FBN1: variants seen among roughly 807,000 people sequenced by gnomAD.
FBN1 encodes fibrillin-1.
A neutral mutation model predicts 365.1 loss-of-function variants in FBN1; 29 were observed. That is an observed-to-expected ratio of 0.08 (90% CI 0.06 to 0.11). The LOEUF (loss-of-function observed/expected upper bound fraction) is 0.11, where lower values mean the gene tolerates loss of function less well. FBN1 is among the 10% of genes least tolerant of loss of function. The pLI, the probability that FBN1 is intolerant of heterozygous loss-of-function variation, is 1.00. For synonymous variants in FBN1, 1,210 were observed against 1,270.5 expected (o/e 0.95, Z 1.01); for missense variants, 2,476 against 3,703.2 (o/e 0.67, Z 8.60).
At chr15:48,591,041 T>A (rs960619838) in intron 6 of FBN1, among the ~76,000 whole-genome samples, 1 of 152,172 alleles carries the variant, frequency 6.6e-6, no homozygotes, top group East Asian at 1.9e-4. Context: ...GATGGAGAAA[T>A]GAGAGAAAAC....
rs1331154469 is a variant in FBN1, at chr15:48,420,746, C to T, written c.7760G>A (p.Gly2587Asp). The T allele has an allele frequency of 2.5e-6, 4 of 1,614,034 alleles. No individual in the cohort carries two copies. The highest frequency in any genetic ancestry group is 1.7e-6 in the Non-Finnish European group (2 of 1,179,958). Residue 2587 changes from glycine to aspartate, a missense_variant, in exon 63 of 66, where the codon GGC becomes GAC. Physicochemically the swap from Gly to Asp is moderately conservative, Grantham distance 94. Coordinates refer to ENST00000316623, the MANE Select transcript of FBN1 (RefSeq NM_000138.5). ...GCCCTGGGGGCAGCTGCACCTGTAG[C>T]CCCCAATGATGTTCTGGCAGCCATG... ...CQHGCQNIIGGYRCSCPQGYL... is the reference protein window; with the variant it reads ...CQHGCQNIIGDYRCSCPQGYL...
At chr15:48,484,633 A>T (rs2046168349) in intron 30 of FBN1, among the ~76,000 whole-genome samples, 1 of 152,180 alleles carries the variant, frequency 6.6e-6, no homozygotes, top group African/African-American at 2.4e-5. Flanking sequence ...AGCCTCCCAC[A>T]GTGCTGGGAT....
At chr15:48,445,321 C>G (rs1277891782) in intron 48 of FBN1, 55 bp downstream of exon 48, 8 of 1,594,388 alleles carry the variant, frequency 5.0e-6, no homozygotes, top group Non-Finnish European at 6.0e-6. Flanking sequence ...CTGCATGATT[C>G]CTTGAGTGGT....
chr15:48,437,416 GA>G, intron 51 of FBN1, 29 bp from the exon 52 acceptor site: 6 of 1,553,674 alleles, frequency 3.9e-6, no homozygotes, highest in Non-Finnish European at 5.3e-6. Flanking sequence ...TTAATAGATA[GA>G]ACAATAGCAA....
chr15:48,636,069 A>C (rs1890085420), intron 2 of FBN1, among the ~76,000 whole-genome samples: 1 of 152,188 alleles, frequency 6.6e-6, no homozygotes, highest in Non-Finnish European at 1.5e-5. Context: ...CTCCCCTCCC[A>C]GCAGACACAT....
intron 4 of FBN1, among the ~76,000 whole-genome samples, chr15:48,603,094 ATTC>A (rs1430877754): frequency 6.6e-6 from 1 of 152,240 alleles, no homozygotes; most frequent in Non-Finnish European, 1.5e-5. Flanking sequence ...ATCAGAATGA[ATTC>A]TTCTTTCTGG....
intron 17 of FBN1, among the ~76,000 whole-genome samples, chr15:48,500,509 T>C (rs1201091578): frequency 6.6e-6 from 1 of 152,194 alleles, no homozygotes; most frequent in Non-Finnish European, 1.5e-5. Flanking sequence ...CTGGTGGCTG[T>C]ACAGAATTAA....
At chr15:48,558,224 G>A (rs934042708) in intron 6 of FBN1, among the ~76,000 whole-genome samples, 2 of 152,042 alleles carry the variant, frequency 1.3e-5, no homozygotes, top group African/African-American at 4.8e-5. Flanking sequence ...TCCTATCCCA[G>A]AATATCTTCT....
At chr15:48,571,284 G>A (rs1315738135) in intron 6 of FBN1, among the ~76,000 whole-genome samples, 1 of 152,064 alleles carries the variant, frequency 6.6e-6, no homozygotes, top group Non-Finnish European at 1.5e-5. Flanking sequence ...AGGTATAGCA[G>A]AACAATGGCA....
chr15:48,432,849 T>C lies in FBN1; in HGVS notation c.6739+17A>G. The C allele has an allele frequency of 6.2e-7, 1 of 1,613,398 alleles. No homozygotes were observed. Among genetic ancestry groups the C allele is most frequent in the African/African-American group, 1.3e-5 (1 of 74,990 alleles). ...TAAAGCTTCCTGGCTTAGATGACCT[T>C]GAACACGATGACTCACCTTTGCACA... is the stretch of plus-strand genomic sequence containing the variant. On this transcript the variant is annotated intron_variant, in intron 55 of 65. Transcript: ENST00000316623.
chr15:48,496,010 T>C (rs1566911863), intron 20 of FBN1, 90 bp downstream of exon 20: 4 of 1,528,604 alleles, frequency 2.6e-6, no homozygotes, highest in Non-Finnish European at 3.6e-6. Flanking sequence ...CTGTCTAAAA[T>C]ACAGGAGACT....
intron 4 of FBN1, 139 bp downstream of exon 4, chr15:48,610,589 A>G: frequency 4.3e-6 from 3 of 696,000 alleles, no homozygotes; most frequent in Non-Finnish European, 7.7e-6. Context: ...CTTTCCAAGT[A>G]TTTTGGGCAG....
intron 6 of FBN1, among the ~76,000 whole-genome samples, chr15:48,589,626 T>TTTG: frequency 6.9e-6 from 1 of 145,216 alleles, no homozygotes; most frequent in African/African-American, 2.6e-5. Context: ...TTTTTTTTTT[T>TTTG]TTTTTGAGAT....
In FBN1 at chr15:48,526,215, C is replaced by T; in HGVS notation, c.903G>A (p.Gly301=). The T allele has an allele frequency of 6.2e-7, 1 of 1,614,004 alleles. No individual in the cohort carries two copies. The highest frequency in any genetic ancestry group is 1.1e-5 in the South Asian group (1 of 91,078). The change falls in exon 9 of 66, where the codon GGG becomes GGA. Residue 301 remains glycine (G), a synonymous_variant. Coordinates refer to ENST00000316623, the MANE Select transcript of FBN1 (RefSeq NM_000138.5). ...TGCTGACTGTGTTTGTACATTCACC[C>T]CCTTCACAGATTCCAGGAATGGTGC... is the stretch of plus-strand genomic sequence containing the variant. ...ECSTIPGICE[G]GECTNTVSSY...
chr15:48,622,788 C>T (rs539163899), intron 2 of FBN1, among the ~76,000 whole-genome samples: 2 of 152,248 alleles, frequency 1.3e-5, no homozygotes, highest in East Asian at 1.9e-4. Flanking sequence ...CTCTTCTTCA[C>T]CGTCTCAGCC....
intron 60 of FBN1, among the ~76,000 whole-genome samples, chr15:48,423,405 C>G (rs901581719): frequency 6.6e-5 from 10 of 152,162 alleles, no homozygotes; most frequent in Admixed American, 5.2e-4. Flanking sequence ...TATAATGCTG[C>G]CTGTCCTGTG....
intron 2 of FBN1, among the ~76,000 whole-genome samples, chr15:48,629,739 A>C (rs549298190): frequency 3.3e-5 from 5 of 152,354 alleles, no homozygotes; most frequent in African/African-American, 1.2e-4. Flanking sequence ...CCTTCTTGCT[A>C]GTTTTGAAAT....
At chr15:48,470,933 G>A (rs568051633) in intron 35 of FBN1, among the ~76,000 whole-genome samples, 177 bp from the exon 36 acceptor site, 3 of 152,260 alleles carry the variant, frequency 2.0e-5, no homozygotes, top group East Asian at 3.9e-4. Flanking sequence ...AAGTCTCGTA[G>A]GTGAGAGGTT....
chr15:48,426,775 C>A (rs769552102), intron 58 of FBN1, among the ~76,000 whole-genome samples: 11 of 152,160 alleles, frequency 7.2e-5, no homozygotes, highest in Non-Finnish European at 1.3e-4. Flanking sequence ...GCTACATCCT[C>A]CAAAGAATCA....
Sources: allele counts gnomAD v4.1 joint callset (sites outside exome capture counted in the v4.1 genomes callset), GRCh38; gene constraint gnomAD v4.1.1; transcripts MANE v1.5; gene names NCBI Gene and HGNC (gene_info 2026-07-23, HGNC 2026-07-21).